Variants in APOO observed in about 807,000 individuals in gnomAD.
The protein encoded by APOO is apolipoprotein O.
A neutral mutation model predicts 23.1 loss-of-function variants in APOO; 11 were observed. The observed-to-expected ratio is 0.48, with a 90% CI of 0.30 to 0.79. APOO has a LOEUF of 0.79. APOO is among the 30% of genes least tolerant of loss of function. APOO has a pLI of 0.07. For missense variants in APOO, 160 were observed against 142.7 expected, an observed-to-expected ratio of 1.12 and a Z score of -0.62; for synonymous variants, 59 against 54.8, an observed-to-expected ratio of 1.08 and a Z score of -0.34.
At chrX:23,881,058 T>C (rs1926100452) in intron 1 of APOO, 106 bp from the exon 2 acceptor site, 1 of 378,160 alleles carries the variant, frequency 2.6e-6, no homozygotes, top group East Asian at 4.6e-5. Flanking sequence ...AGGCTTACTG[T>C]GCTTTATTTT....
chrX:23,886,026 G>GT (rs898450992), intron 1 of APOO, among the ~76,000 whole-genome samples: 7 of 111,420 alleles, frequency 6.3e-5, no homozygotes, highest in African/African-American at 2.3e-4. Flanking sequence ...GTCCTTCTTT[G>GT]TGGGGCTGTC....
At position 23,856,313 on chromosome X, in the gene APOO, T is replaced by G; in HGVS notation, c.550A>C (p.Asn184His). Reference sequence around the variant, plus strand: ...AAGATGCTCCTCACCTTTTGAAAGTTCTCCTTCCACAAATCTTCTATGACT... The same window carrying G: ...AAGATGCTCCTCACCTTTTGAAAGTGCTCCTTCCACAAATCTTCTATGACT... ...YIVIEDLWKE[N>H]FQKPGNVKNS... is the part of the protein sequence containing the mutation. The change falls in exon 7 of 9, where the codon AAC becomes CAC. Residue 184 changes from asparagine (N) to histidine (H), a missense_variant. Physicochemically the swap from Asn to His is moderately conservative, Grantham distance 68. Transcript: ENST00000379226. 8.3e-7 allele frequency: 1 copy of G among 1,209,301 alleles called. No homozygotes were observed. Among genetic ancestry groups the G allele is most frequent in the Non-Finnish European group, 1.1e-6 (1 of 894,107 alleles).
intron 1 of APOO, among the ~76,000 whole-genome samples, chrX:23,898,299 C>T (rs1285704452): frequency 9.2e-6 from 1 of 109,219 alleles, no homozygotes; most frequent in Non-Finnish European, 1.9e-5. Context: ...GGCGGGGTTT[C>T]GCCATGTTGC....
intron 1 of APOO, among the ~76,000 whole-genome samples, chrX:23,896,311 T>C (rs760570140): frequency 9.1e-6 from 1 of 110,476 alleles, no homozygotes; most frequent in South Asian, 3.8e-4. Flanking sequence ...CTATAGGTGG[T>C]GATATTAAAG....
At chrX:23,849,638 T>C (rs1179175850) in intron 7 of APOO, among the ~76,000 whole-genome samples, 9 of 87,241 alleles carry the variant, frequency 1.0e-4, no homozygotes, top group African/African-American at 4.0e-4. Flanking sequence ...ACACCTGTAA[T>C]CTCAGCACTT....
intron 1 of APOO, among the ~76,000 whole-genome samples, chrX:23,888,424 ACAT>A (rs897588191): frequency 3.6e-5 from 4 of 112,280 alleles, no homozygotes; most frequent in Non-Finnish European, 5.6e-5. Flanking sequence ...CTGCACACCC[ACAT>A]CATGTCAGAC....
At chrX:23,840,687 A>G (rs1923926911) in intron 7 of APOO, 1 of 179,918 alleles carries the variant, frequency 5.6e-6, no homozygotes, top group Non-Finnish European at 1.0e-5. Context: ...AGAGCAGGAA[A>G]TAAAGCTCCA....
chrX:23,876,375 G>A (rs989885961), intron 3 of APOO, among the ~76,000 whole-genome samples: 23 of 103,564 alleles, frequency 2.2e-4, no homozygotes, highest in Non-Finnish European at 3.9e-4. Context: ...TTGAGCCCAG[G>A]AGTTCGAGAT....
rs1037660508 is a variant in APOO, at chrX:23,874,508, T to A, written c.238-51A>T. 1.2e-5 allele frequency: 12 copies of A among 1,016,027 alleles called. 1 individual carries two copies. In the Admixed American group the frequency reaches 1.6e-4, roughly 13 times the overall value. The allele number at this position is 1,016,027 out of a possible 1,213,427, so 83.7% of individuals were successfully genotyped here. Reference sequence around the variant, plus strand: ...GAAACTATTCACAGGATCTGCTGATTAGAAAGTTAACAGAATAAATATACT... The same window carrying A: ...GAAACTATTCACAGGATCTGCTGATAAGAAAGTTAACAGAATAAATATACT... On this transcript the variant is annotated intron_variant, in intron 3 of 8. Coordinates refer to ENST00000379226, the MANE Select transcript of APOO (RefSeq NM_024122.5).
At chrX:23,858,158 G>T (rs1924859440) in intron 6 of APOO, among the ~76,000 whole-genome samples, 1 of 110,588 alleles carries the variant, frequency 9.0e-6, no homozygotes, top group Non-Finnish European at 1.9e-5. Flanking sequence ...CCAACTGAAA[G>T]CCCCGAAAAG....
chrX:23,880,711 T>TAAAC (rs754843492), intron 2 of APOO, 134 bp downstream of exon 2: 1 of 199,598 alleles, frequency 5.0e-6, no homozygotes, highest in African/African-American at 3.4e-5. Context: ...AATAAATAAA[T>TAAAC]AAATAAATAA....
chrX:23,848,291 A>C (rs886819789), intron 7 of APOO, among the ~76,000 whole-genome samples: 1 of 110,354 alleles, frequency 9.1e-6, no homozygotes, highest in Admixed American at 9.7e-5. Context: ...CAGCCTCCTG[A>C]GTAGCTGGGA....
chrX:23,850,682 C>G (rs1309025598), intron 7 of APOO, among the ~76,000 whole-genome samples: 2 of 111,421 alleles, frequency 1.8e-5, no homozygotes, highest in African/African-American at 6.5e-5. Flanking sequence ...CAAAAATTAG[C>G]CAGGGATGGT....
At chrX:23,878,834 CA>C in intron 3 of APOO, 80 bp downstream of exon 3, 1 of 1,113,790 alleles carries the variant, frequency 9.0e-7, no homozygotes, top group Non-Finnish European at 1.2e-6. Context: ...TGCCTTTTTC[CA>C]AAAACATGCA....
intron 1 of APOO, 40 bp downstream of exon 1, chrX:23,907,654 A>AG: frequency 8.7e-7 from 1 of 1,145,226 alleles, no homozygotes. Flanking sequence ...GGCGGCCGGG[A>AG]GGGGGCGGTG....
chrX:23,842,873 T>C (rs1034256743), intron 7 of APOO, among the ~76,000 whole-genome samples: 2 of 111,528 alleles, frequency 1.8e-5, no homozygotes, highest in African/African-American at 6.5e-5. Flanking sequence ...CAGGGCATGG[T>C]GGCGCATGCC....
intron 1 of APOO, among the ~76,000 whole-genome samples, chrX:23,883,016 T>C (rs1926214042): frequency 9.0e-6 from 1 of 110,820 alleles, no homozygotes; most frequent in Non-Finnish European, 1.9e-5. Context: ...GAGGTGGAGA[T>C]TGCAGTGAGC....
chrX:23,881,070 T>C, intron 1 of APOO, 118 bp from the exon 2 acceptor site: 2 of 341,813 alleles, frequency 5.9e-6, no homozygotes, highest in Admixed American at 6.0e-5. Context: ...CTTTATTTTA[T>C]TTTTATTTAT....
chrX:23,904,667 C>T (rs1327957833), intron 1 of APOO, among the ~76,000 whole-genome samples: 4 of 109,732 alleles, frequency 3.6e-5, no homozygotes, highest in Admixed American at 9.7e-5. Flanking sequence ...CCAACACACC[C>T]GGCTAATTTT....
Sources: allele counts gnomAD v4.1 joint callset (sites outside exome capture counted in the v4.1 genomes callset), GRCh38; gene constraint gnomAD v4.1.1; transcripts MANE v1.5; gene names NCBI Gene and HGNC (gene_info 2026-07-23, HGNC 2026-07-21).